The following CNTNAP2 variants were observed in gnomAD, a reference collection of about 807,000 sequenced individuals.
CNTNAP2 encodes contactin associated protein 2.
CNTNAP2 carries 98 observed loss-of-function variants against 155.2 expected under a neutral mutation model. The ratio of observed to expected loss-of-function variants is 0.63; its 90% CI spans 0.54 to 0.75. CNTNAP2 has a LOEUF of 0.75. Ranked by LOEUF, CNTNAP2 falls within the 30% of genes least tolerant of loss-of-function variation. The pLI is 0.00. For missense variants in CNTNAP2, 1,727 were observed against 1,688.1 expected (o/e 1.02, Z -0.40); for synonymous variants, 651 against 631.2 (o/e 1.03, Z -0.47).
At chr7:147,078,100 A>G in intron 4 of CNTNAP2, among the ~76,000 whole-genome samples, 1 of 152,228 alleles carries the variant, frequency 6.6e-6, no homozygotes, top group East Asian at 1.9e-4. Flanking sequence ...ATGCTGCACA[A>G]TTAAGTAGAT....
chr7:147,617,591 A>G (rs1166609010), intron 12 of CNTNAP2, among the ~76,000 whole-genome samples: 1 of 152,170 alleles, frequency 6.6e-6, no homozygotes, highest in African/African-American at 2.4e-5. Context: ...GAGAAAGACA[A>G]TAAAAATTTT....
intron 13 of CNTNAP2, among the ~76,000 whole-genome samples, chr7:147,814,993 G>A (rs1798242544): frequency 2.0e-5 from 3 of 152,224 alleles, no homozygotes; most frequent in Admixed American, 1.3e-4. Context: ...TACGTTTTAG[G>A]GACAAGGTTA....
intron 16 of CNTNAP2, among the ~76,000 whole-genome samples, chr7:148,132,283 C>T (rs547718686): frequency 1.3e-5 from 2 of 152,164 alleles, no homozygotes; most frequent in East Asian, 3.9e-4. Flanking sequence ...TAAAGACTTA[C>T]ATGAAATCTT....
intron 2 of CNTNAP2, among the ~76,000 whole-genome samples, chr7:146,816,361 G>A (rs1803169540): frequency 6.6e-6 from 1 of 152,162 alleles, no homozygotes; most frequent in African/African-American, 2.4e-5. Flanking sequence ...CAGATTGGAA[G>A]AGGATTCGGT....
chr7:147,779,025 T>C (rs988727059), intron 13 of CNTNAP2, among the ~76,000 whole-genome samples: 1 of 152,198 alleles, frequency 6.6e-6, no homozygotes, highest in African/African-American at 2.4e-5. Flanking sequence ...AAAATAAGGC[T>C]AGCATGAGAA....
At chr7:146,547,855 T>TTG (rs1354112620) in intron 1 of CNTNAP2, among the ~76,000 whole-genome samples, 1 of 151,590 alleles carries the variant, frequency 6.6e-6, no homozygotes, top group African/African-American at 2.4e-5. Context: ...GTTTTTTTTT[T>TTG]TTAAAGGAAC....
At chr7:147,532,870 C>T (rs948649344) in intron 11 of CNTNAP2, among the ~76,000 whole-genome samples, 1 of 152,168 alleles carries the variant, frequency 6.6e-6, no homozygotes, top group Admixed American at 6.5e-5. Context: ...AATTACCTCC[C>T]CCTGAGTTCC....
intron 3 of CNTNAP2, among the ~76,000 whole-genome samples, chr7:146,850,122 A>T (rs13312652): frequency 6.6e-6 from 1 of 152,334 alleles, no homozygotes; most frequent in Admixed American, 6.5e-5. Flanking sequence ...CAGTGAAATG[A>T]TCATTCTGGC....
At chr7:147,444,246 CTG>C (rs1280306364) in intron 10 of CNTNAP2, among the ~76,000 whole-genome samples, 2 of 152,262 alleles carry the variant, frequency 1.3e-5, no homozygotes, top group East Asian at 1.9e-4. Flanking sequence ...CAAAGAAAAA[CTG>C]TGTAACAACT....
At chr7:147,324,170 G>A (rs139859846) in intron 9 of CNTNAP2, among the ~76,000 whole-genome samples, 1 of 152,106 alleles carries the variant, frequency 6.6e-6, no homozygotes, top group African/African-American at 2.4e-5. Flanking sequence ...GGTGTATTAG[G>A]TGAACAACTA....
chr7:147,961,668 G>A (rs1011754382), intron 14 of CNTNAP2, among the ~76,000 whole-genome samples: 14 of 152,122 alleles, frequency 9.2e-5, no homozygotes, highest in Non-Finnish European at 2.1e-4. Context: ...GAACAGATTA[G>A]TTATTCCCAG....
intron 1 of CNTNAP2, among the ~76,000 whole-genome samples, chr7:146,482,645 A>G (rs1433065667): frequency 6.6e-6 from 1 of 152,004 alleles, no homozygotes; most frequent in Non-Finnish European, 1.5e-5. Context: ...CGGGAGGTTG[A>G]GGCAGGAGAA....
At chr7:147,620,510 CTA>C (rs2116891494) in intron 12 of CNTNAP2, among the ~76,000 whole-genome samples, 1 of 149,510 alleles carries the variant, frequency 6.7e-6, no homozygotes, top group East Asian at 1.9e-4. Flanking sequence ...TTAAAAATAA[CTA>C]ATATATCATA....
At chr7:146,522,952 T>C (rs984069650) in intron 1 of CNTNAP2, among the ~76,000 whole-genome samples, 7 of 151,878 alleles carry the variant, frequency 4.6e-5, no homozygotes, top group Non-Finnish European at 1.0e-4. Flanking sequence ...GAAATCATAA[T>C]AGAATGATAT....
At position 146,311,021 on chromosome 7, in the gene CNTNAP2, C is replaced by T. The variant is rs192828552; in HGVS notation, c.97+194048C>T. ...GTTTTAGTTCTAAGGAAGCACCACTCAGTACAATGAAACAGGAAGAAATGC... is the reference window on the plus strand; with the variant it reads ...GTTTTAGTTCTAAGGAAGCACCACTTAGTACAATGAAACAGGAAGAAATGC... On this transcript the variant is annotated intron_variant, in intron 1 of 23. Transcript: ENST00000361727. 1.5e-3 allele frequency among the ~76,000 whole-genome samples: 227 copies of T among 152,166 alleles called. 1 individual carries two copies. The highest frequency in any genetic ancestry group is 5.0e-3 in the Admixed American group (77 of 15,296).
At chr7:146,642,973 G>T (rs1026801014) in intron 1 of CNTNAP2, among the ~76,000 whole-genome samples, 4 of 148,044 alleles carry the variant, frequency 2.7e-5, no homozygotes, top group Admixed American at 6.7e-5. Context: ...AGAAGTGTCT[G>T]TTCATGTCCT....
At chr7:147,641,567 C>T (rs1584874581) in intron 13 of CNTNAP2, among the ~76,000 whole-genome samples, 1 of 151,996 alleles carries the variant, frequency 6.6e-6, no homozygotes, top group Admixed American at 6.6e-5. Flanking sequence ...ATTATGTTCC[C>T]CCAAATTCCT....
rs548785102 is a variant in CNTNAP2, at chr7:146,941,951, G to T, written c.403-101956G>T. Among the ~76,000 whole-genome samples the T allele has an allele frequency of 2.5e-4, 38 of 151,994 alleles. No individual in the cohort carries two copies. The South Asian group carries it at 6.6e-3, about 27-fold the overall frequency. On this transcript the variant is annotated intron_variant, in intron 3 of 23. Transcript: ENST00000361727. ...CTTTGTCTTCAATTTTTGATAGTTTGATTTTAATATGTCTTGGGGTATTCT... is the reference window on the plus strand; with the variant it reads ...CTTTGTCTTCAATTTTTGATAGTTTTATTTTAATATGTCTTGGGGTATTCT...
At chr7:147,767,059 A>G (rs181680278) in intron 13 of CNTNAP2, among the ~76,000 whole-genome samples, 5 of 152,256 alleles carry the variant, frequency 3.3e-5, no homozygotes, top group East Asian at 1.9e-4. Flanking sequence ...TAAATTAACT[A>G]TACTTAATCC....
Sources: gnomAD v4.1 joint callset for allele counts (sites outside exome capture counted in the v4.1 genomes callset) on GRCh38, gnomAD v4.1.1 for gene constraint, MANE v1.5 for transcripts, NCBI Gene and HGNC (gene_info 2026-07-23, HGNC 2026-07-21) for gene names.